UBR4: variants seen among roughly 807,000 people sequenced by gnomAD.
UBR4 encodes ubiquitin protein ligase E3 component n-recognin 4.
In UBR4, 124 loss-of-function variants were observed where a neutral mutation model predicts 575.6. The observed-to-expected ratio is 0.22, with a 90% CI of 0.19 to 0.25. The LOEUF (loss-of-function observed/expected upper bound fraction) is 0.25, where lower values mean the gene tolerates loss of function less well. Ranked by LOEUF, UBR4 falls within the 10% of genes least tolerant of loss-of-function variation. The probability of loss-of-function intolerance (pLI) is 1.00; values close to 1 mark genes in which losing one functional copy is unlikely to be tolerated. For synonymous variants in UBR4, 2,455 were observed against 2,473.7 expected (o/e 0.99, Z 0.22); for missense variants, 4,818 against 6,478.8 (o/e 0.74, Z 8.80).
At chr1:19,141,256 C>G (rs1019758153) in intron 57 of UBR4, 91 bp downstream of exon 57, 28 of 1,570,604 alleles carry the variant, frequency 1.8e-5, no homozygotes, top group Non-Finnish European at 2.2e-5. Flanking sequence ...TATCTGGGGA[C>G]AAACTAAGTC....
At chr1:19,178,841 C>T (rs2090571193) in intron 18 of UBR4, among the ~76,000 whole-genome samples, 1 of 152,136 alleles carries the variant, frequency 6.6e-6, no homozygotes, top group African/African-American at 2.4e-5. Context: ...ACCAAATCCC[C>T]CATGTGCTAC....
intron 60 of UBR4, among the ~76,000 whole-genome samples, chr1:19,137,157 G>T (rs745768056): frequency 1.3e-5 from 2 of 151,914 alleles, no homozygotes; most frequent in Admixed American, 6.6e-5. Flanking sequence ...AAAATTGGCC[G>T]GGCGTGGTAC....
chr1:19,128,981 C>A lies in UBR4; in HGVS notation c.9000G>T (p.Met3000Ile). 6.2e-7 allele frequency: 1 copy of A among 1,613,860 alleles called. No homozygotes were observed. The highest frequency in any genetic ancestry group is 8.5e-7 in the Non-Finnish European group (1 of 1,179,796). ...NVGGVRAIPY[M>I]QVILMLTTDL... ...ATCCAGGTGAGCTAAGAGATACCTG[C>A]ATGTATGGGATGGCCCGGACACCGC... The change falls in exon 61 of 106, where the codon ATG (methionine) becomes ATT (isoleucine). Residue 3000 changes from methionine to isoleucine, a missense_variant. By Grantham distance (10) the Met-to-Ile change is conservative. Coordinates refer to ENST00000375254, the MANE Select transcript of UBR4 (RefSeq NM_020765.3).
Position 19,129,020 on chromosome 1 carries a change from T to C in UBR4, c.8961A>G (p.Gln2987=), listed in dbSNP as rs1391696972. ...CCCGGACACCGCCAACGTTTCGTAATTGAGGCAGGGTCTGCAGTAATCTCT... is the reference window on the plus strand; with the variant it reads ...CCCGGACACCGCCAACGTTTCGTAACTGAGGCAGGGTCTGCAGTAATCTCT... The part of the protein sequence containing the change: ...LLERLLQTLP[Q]LRNVGGVRAI... Residue 2987 remains glutamine, a synonymous_variant, in exon 61 of 106, where the codon CAA becomes CAG. Coordinates refer to ENST00000375254, the MANE Select transcript of UBR4 (RefSeq NM_020765.3). The C allele has an allele frequency of 2.5e-6, 4 of 1,613,936 alleles. No homozygotes were observed. The highest frequency in any genetic ancestry group is 3.4e-6 in the Non-Finnish European group (4 of 1,180,000).
At chr1:19,141,889 T>C in intron 55 of UBR4, 112 bp from the exon 56 acceptor site, 1 of 1,487,208 alleles carries the variant, frequency 6.7e-7, no homozygotes, top group Non-Finnish European at 9.0e-7. Context: ...GCTAGCACCC[T>C]GGGCTTTAGC....
At chr1:19,143,319 A>AAAGAAAGC in intron 55 of UBR4, among the ~76,000 whole-genome samples, 1 of 147,490 alleles carries the variant, frequency 6.8e-6, no homozygotes, top group African/African-American at 2.5e-5. Flanking sequence ...AGAAAGAAAG[A>AAAGAAAGC]AAATTTAAAA....
In UBR4 at chr1:19,160,768, C is replaced by T. The variant is rs560391193; in HGVS notation, c.5406+149G>A. ...TCAGTCATAAATCCTTCCCTCGTGA[C>T]GACAATACATAGTATTTGCATTCAC... On this transcript the variant is annotated intron_variant, in intron 38 of 105. Transcript: ENST00000375254. 2.5e-4 allele frequency: 190 copies of T among 765,268 alleles called. 2 individuals are homozygous for T. In the Middle Eastern group the frequency reaches 5.2e-3, roughly 21 times the overall value. 47.4% of individuals were successfully genotyped at this position (765,268 alleles called of 1,614,324 possible).
intron 10 of UBR4, 49 bp from the exon 11 acceptor site, chr1:19,192,427 A>G: frequency 6.2e-7 from 1 of 1,614,194 alleles, no homozygotes; most frequent in Non-Finnish European, 8.5e-7. Flanking sequence ...AGATATTTAC[A>G]TCTCAGAGAG....
intron 51 of UBR4, 30 bp downstream of exon 51, chr1:19,147,963 G>T: frequency 6.2e-7 from 1 of 1,605,116 alleles, no homozygotes. Flanking sequence ...TGTCAGCACT[G>T]CAATTTCCTT....
intron 73 of UBR4, among the ~76,000 whole-genome samples, chr1:19,116,827 C>G (rs1465877398): frequency 6.6e-6 from 1 of 152,190 alleles, no homozygotes; most frequent in Non-Finnish European, 1.5e-5. Flanking sequence ...TAACTTTCTG[C>G]CCTGTGAGCA....
chr1:19,134,920 G>T (rs995154297), intron 60 of UBR4, among the ~76,000 whole-genome samples: 1 of 152,126 alleles, frequency 6.6e-6, no homozygotes, highest in Non-Finnish European at 1.5e-5. Context: ...GAGGGGAGGA[G>T]AAAATGAATA....
chr1:19,186,469 G>A, intron 14 of UBR4, 71 bp downstream of exon 14: 1 of 1,363,960 alleles, frequency 7.3e-7, no homozygotes, highest in South Asian at 1.4e-5. Flanking sequence ...GGAAACTACA[G>A]GAATCTGCTG....
At position 19,167,146 on chromosome 1, in the gene UBR4, T is replaced by A; in HGVS notation, c.3985A>T (p.Ile1329Phe). ...ATGCGTTCCAGGGAGTTGCTACTGA[T>A]CTCGGCAACACTCTCAGTGCTTGAT... Reference protein sequence around the residue: ...LESSTESVAEISSNSLERILG... With the variant: ...LESSTESVAEFSSNSLERILG... Residue 1329 changes from isoleucine to phenylalanine, a missense_variant, in exon 29 of 106, where the codon ATC becomes TTC. Around this residue, in one of 29 missense-constraint regions of UBR4, gnomAD observed 1,172 missense variants for 1,259.7 expected, o/e 0.93. Coordinates refer to ENST00000375254, the MANE Select transcript of UBR4 (RefSeq NM_020765.3). 6.2e-7 allele frequency: 1 copy of A among 1,614,182 alleles called. No individual in the cohort carries two copies. The highest frequency in any genetic ancestry group is 8.5e-7 in the Non-Finnish European group (1 of 1,180,036).
chr1:19,117,548 G>T lies in UBR4; in HGVS notation c.10630-134C>A. ...AATTTTTTAAAAAATATTTTGTAGA[G>T]ATGGGGTCTCACCATCTTGCCCAGG... On this transcript the variant is annotated intron_variant, in intron 72 of 105. Coordinates refer to ENST00000375254, the MANE Select transcript of UBR4 (RefSeq NM_020765.3). The surrounding 1 kb of genome is among the most constrained non-coding windows in gnomAD (Gnocchi z 4.0). The T allele has an allele frequency of 9.1e-7, 1 of 1,098,820 alleles. No individual in the cohort carries two copies. Among genetic ancestry groups the T allele is most frequent in the Non-Finnish European group, 1.3e-6 (1 of 784,254 alleles). 68.1% of individuals were successfully genotyped at this position (1,098,820 alleles called of 1,614,324 possible). A position where few individuals can be genotyped will look rare whatever the true frequency, so the allele number is the denominator to read the frequency against.
intron 44 of UBR4, 85 bp from the exon 45 acceptor site, chr1:19,154,024 G>T: frequency 6.8e-7 from 1 of 1,460,432 alleles, no homozygotes. Flanking sequence ...TCCTCTAACT[G>T]GCTACGTGAC....
chr1:19,111,776 A>C, intron 78 of UBR4: 1 of 151,948 alleles, frequency 6.6e-6, no homozygotes, highest in African/African-American at 2.4e-5. Context: ...ATGCACCACT[A>C]CACCTGTCTA....
At chr1:19,162,023 T>C in intron 35 of UBR4, 126 bp from the exon 36 acceptor site, 1 of 1,066,366 alleles carries the variant, frequency 9.4e-7, no homozygotes, top group Non-Finnish European at 1.4e-6. Flanking sequence ...CGTGGAAATC[T>C]ACCACAACTG....
In UBR4 at chr1:19,138,082, G is replaced by A. The variant is rs764465183; in HGVS notation, c.8831C>T (p.Thr2944Ile). The A allele has an allele frequency of 6.3e-7, 1 of 1,599,152 alleles. No individual in the cohort carries two copies. Among genetic ancestry groups the A allele is most frequent in the South Asian group, 1.1e-5 (1 of 88,074 alleles). ...SSSTGAISTT[T>I]GHQEGDGSEG... Reference sequence around the variant, plus strand: ...GGAGCCATCTCCCTCCTGGTGCCCAGTGGTGGTGCTGATGGCTCCAGTGCT... The same window carrying A: ...GGAGCCATCTCCCTCCTGGTGCCCAATGGTGGTGCTGATGGCTCCAGTGCT... The change falls in exon 60 of 106, where the codon ACT becomes ATT. Residue 2944 changes from threonine (T) to isoleucine (I), a missense_variant. Coordinates refer to ENST00000375254, the MANE Select transcript of UBR4 (RefSeq NM_020765.3).
intron 49 of UBR4, 97 bp from the exon 50 acceptor site, chr1:19,148,723 C>A: frequency 7.9e-7 from 1 of 1,268,586 alleles, no homozygotes; most frequent in Non-Finnish European, 1.1e-6. Context: ...TTGGGGACAG[C>A]TAATGAATGC....
Sources: gnomAD v4.1 joint callset for allele counts (sites outside exome capture counted in the v4.1 genomes callset) on GRCh38, gnomAD v4.1.1 for gene constraint, gnomAD v4.1.1 regional missense constraint, Gnocchi (gnomAD v3.1) non-coding constraint, MANE v1.5 for transcripts, NCBI Gene and HGNC (gene_info 2026-07-23, HGNC 2026-07-21) for gene names.